MATN2: variants seen among roughly 807,000 people sequenced by gnomAD.
The protein encoded by MATN2 is matrilin-2.
In MATN2, 69 loss-of-function variants were observed where a neutral mutation model predicts 103.2. That is an observed-to-expected ratio of 0.67 (90% CI 0.55 to 0.82). MATN2 has a LOEUF of 0.82. Ranked by LOEUF, MATN2 falls within the 40% of genes least tolerant of loss-of-function variation. MATN2 has a pLI of 0.00. For synonymous variants in MATN2, 429 were observed against 450.2 expected, an observed-to-expected ratio of 0.95 and a Z score of 0.60; for missense variants, 1,023 against 1,211.5, an observed-to-expected ratio of 0.84 and a Z score of 2.31.
intron 4 of MATN2, among the ~76,000 whole-genome samples, chr8:97,957,346 G>A (rs1450696831): frequency 6.6e-6 from 1 of 152,198 alleles, no homozygotes; most frequent in Non-Finnish European, 1.5e-5. Context: ...AAAAACATCT[G>A]TATTTGTTTC....
intron 15 of MATN2, chr8:98,031,885 C>T: frequency 6.1e-6 from 1 of 164,498 alleles, no homozygotes; most frequent in Non-Finnish European, 1.3e-5. Flanking sequence ...GAATGTTTTG[C>T]CTCTTGATTG....
At chr8:97,955,038 G>A (rs530520678) in intron 4 of MATN2, among the ~76,000 whole-genome samples, 1 of 152,292 alleles carries the variant, frequency 6.6e-6, no homozygotes, top group African/African-American at 2.4e-5. Flanking sequence ...CAGAAGGAAT[G>A]ACCTTTGCAA....
At chr8:98,030,728 T>C in intron 15 of MATN2, 114 bp downstream of exon 15, 2 of 991,850 alleles carry the variant, frequency 2.0e-6, no homozygotes, top group Non-Finnish European at 3.0e-6. Context: ...AGTGGCACAA[T>C]CTCAGCTCAC....
At chr8:98,023,364 G>GATC (rs1813671884) in intron 13 of MATN2, among the ~76,000 whole-genome samples, 1 of 152,062 alleles carries the variant, frequency 6.6e-6, no homozygotes, top group South Asian at 2.1e-4. Flanking sequence ...GAATACATTA[G>GATC]ATCGTGTATC....
At chr8:97,915,259 T>C (rs1023404141) in intron 2 of MATN2, among the ~76,000 whole-genome samples, 3 of 152,176 alleles carry the variant, frequency 2.0e-5, no homozygotes, top group Admixed American at 1.3e-4. Context: ...CCCAAAGTGC[T>C]GGGACTATAG....
chr8:98,030,660 ACTC>A lies in MATN2; in HGVS notation c.2509+49_2509+51del, dbSNP rs759328718. On this transcript the variant is annotated intron_variant, in intron 15 of 18. Transcript: ENST00000254898. ...GACCTTAGCAAACAAGGCAGCATGA[ACTC>A]CTTTTTTTTTGTTTTTTGAGATGGA... is the stretch of plus-strand genomic sequence containing the variant. 7 of 1,572,026 alleles carry A rather than the reference ACTC, an allele frequency of 4.5e-6. No homozygotes were observed. In the African/African-American group the frequency reaches 5.6e-5, roughly 12 times the overall value.
chr8:97,944,603 G>A (rs1311081156), intron 4 of MATN2, among the ~76,000 whole-genome samples: 2 of 152,152 alleles, frequency 1.3e-5, no homozygotes, highest in African/African-American at 4.8e-5. Context: ...TAAACTTCTT[G>A]ACTCTCAGTT....
intron 2 of MATN2, among the ~76,000 whole-genome samples, chr8:97,902,289 A>C (rs1382437040): frequency 6.6e-6 from 1 of 151,498 alleles, no homozygotes; most frequent in Non-Finnish European, 1.5e-5. Flanking sequence ...TGAGGTCAGG[A>C]GTCTGAGACC....
At position 97,960,087 on chromosome 8, in the gene MATN2, G is replaced by A. The variant is rs543851234; in HGVS notation, c.836-1321G>A. On this transcript the variant is annotated intron_variant, in intron 4 of 18. Coordinates refer to ENST00000254898, the MANE Select transcript of MATN2 (RefSeq NM_002380.5). The stretch of plus-strand genomic sequence containing the variant: ...GCCTCAGCCTCCCATCTTCTGAGTA[G>A]CTGGGATTACAGGCGCGTGCCACCA... Among the ~76,000 whole-genome samples the A allele has an allele frequency of 4.6e-5, 7 of 152,198 alleles. No individual in the cohort carries two copies. The South Asian group carries it at 1.5e-3, about 32-fold the overall frequency.
chr8:97,886,357 A>T (rs1471927164), intron 1 of MATN2, among the ~76,000 whole-genome samples: 4 of 152,152 alleles, frequency 2.6e-5, no homozygotes, highest in Non-Finnish European at 5.9e-5. Flanking sequence ...TCTGTGGAAA[A>T]ATTGTCTTCC....
intron 10 of MATN2, 53 bp from the exon 11 acceptor site, chr8:98,016,486 TA>T: frequency 1.3e-6 from 2 of 1,524,894 alleles, no homozygotes; most frequent in South Asian, 1.2e-5. Flanking sequence ...AATAAGCCAC[TA>T]ATATATGAGT....
At chr8:97,995,200 A>G (rs1223644373) in intron 7 of MATN2, among the ~76,000 whole-genome samples, 1 of 152,162 alleles carries the variant, frequency 6.6e-6, no homozygotes, top group African/African-American at 2.4e-5. Context: ...GCTTAAGACA[A>G]ACCATTCCTG....
intron 2 of MATN2, among the ~76,000 whole-genome samples, chr8:97,908,296 C>T (rs1328497280): frequency 2.6e-5 from 4 of 151,676 alleles, no homozygotes; most frequent in Non-Finnish European, 5.9e-5. Flanking sequence ...CAAAGTATGA[C>T]TCTACTATGA....
intron 2 of MATN2, among the ~76,000 whole-genome samples, chr8:97,920,926 G>T (rs1809786204): frequency 6.6e-6 from 1 of 152,206 alleles, no homozygotes; most frequent in African/African-American, 2.4e-5. Context: ...GGTCACAGAT[G>T]CCAGGGCTGG....
intron 12 of MATN2, chr8:98,020,976 G>T: frequency 5.1e-6 from 2 of 389,044 alleles, no homozygotes; most frequent in South Asian, 6.5e-5. Flanking sequence ...GTAAGTCAAG[G>T]ACACCTAATC....
At chr8:98,034,040 T>C in intron 18 of MATN2, 1 of 405,596 alleles carries the variant, frequency 2.5e-6, no homozygotes, top group South Asian at 1.8e-5. Context: ...AAGAATGTTG[T>C]AGAATGAAGA....
chr8:98,015,064 C>T (rs72678734), intron 10 of MATN2, among the ~76,000 whole-genome samples: 14,225 of 152,232 alleles, frequency 0.093, 939 homozygotes, highest in Admixed American at 0.19. Context: ...CCCCAGAAGC[C>T]ACCCAGCCCT....
chr8:97,985,553 G>A (rs759402042), intron 6 of MATN2, among the ~76,000 whole-genome samples: 11 of 152,068 alleles, frequency 7.2e-5, no homozygotes, highest in African/African-American at 1.9e-4. Context: ...TATTTGGGCC[G>A]TTTTCCATGG....
chr8:97,901,106 G>A (rs550932777), intron 2 of MATN2, among the ~76,000 whole-genome samples: 2 of 152,266 alleles, frequency 1.3e-5, no homozygotes, highest in African/African-American at 4.8e-5. Flanking sequence ...CCTGTCCCAT[G>A]TGATTGTCCC....
Sources: gnomAD v4.1 joint callset for allele counts (sites outside exome capture counted in the v4.1 genomes callset) on GRCh38, gnomAD v4.1.1 for gene constraint, MANE v1.5 for transcripts, NCBI Gene and HGNC (gene_info 2026-07-23, HGNC 2026-07-21) for gene names.